Variants in FYN observed in about 807,000 individuals in gnomAD.
FYN encodes the protein FYN proto-oncogene, Src family tyrosine kinase.
Under a neutral mutation model 70.2 loss-of-function variants are expected in FYN, and 10 were observed. The ratio of observed to expected loss-of-function variants is 0.14; its 90% CI spans 0.09 to 0.24. The LOEUF is 0.24. FYN is among the 10% of genes least tolerant of loss of function. FYN has a pLI of 1.00. For missense variants in FYN, 319 were observed against 673.1 expected, an observed-to-expected ratio of 0.47 and a Z score of 5.82; for synonymous variants, 236 against 248.6, an observed-to-expected ratio of 0.95 and a Z score of 0.48.
chr6:111,795,710 A>T (rs1203262258), intron 2 of FYN, among the ~76,000 whole-genome samples: 3 of 152,218 alleles, frequency 2.0e-5, no homozygotes, highest in Non-Finnish European at 4.4e-5. Flanking sequence ...AGAGTACTGA[A>T]CATATTAGGC....
At chr6:111,840,761 T>C (rs1773334509) in intron 2 of FYN, among the ~76,000 whole-genome samples, 1 of 152,230 alleles carries the variant, frequency 6.6e-6, no homozygotes, top group South Asian at 2.1e-4. Flanking sequence ...TTAGGGGCAC[T>C]GACAAAAGCA....
chr6:111,731,864 T>C (rs1801473924), intron 3 of FYN, among the ~76,000 whole-genome samples: 1 of 152,146 alleles, frequency 6.6e-6, no homozygotes, highest in South Asian at 2.1e-4. Flanking sequence ...CCCAGGGTGG[T>C]TGAATATGTC....
chr6:111,715,694 G>A (rs919884710), intron 4 of FYN, among the ~76,000 whole-genome samples: 2 of 152,176 alleles, frequency 1.3e-5, no homozygotes, highest in Admixed American at 6.5e-5. Flanking sequence ...CACTACATGA[G>A]TTTGGAAGCA....
intron 9 of FYN, among the ~76,000 whole-genome samples, chr6:111,697,711 A>G (rs1364509332): frequency 2.0e-5 from 3 of 152,238 alleles, no homozygotes; most frequent in Admixed American, 6.5e-5. Flanking sequence ...CTGTAATACA[A>G]ACTTCGTCAA....
intron 1 of FYN, among the ~76,000 whole-genome samples, chr6:111,854,168 T>C (rs1368718793): frequency 6.6e-6 from 1 of 152,224 alleles, no homozygotes; most frequent in Non-Finnish European, 1.5e-5. Context: ...AGTTTGCACT[T>C]GCAGCTTCTC....
chr6:111,803,604 A>G (rs1048842526), intron 2 of FYN, among the ~76,000 whole-genome samples: 2 of 150,444 alleles, frequency 1.3e-5, no homozygotes, highest in Non-Finnish European at 3.0e-5. Context: ...TCCACTTCAT[A>G]GTGTTTTGAA....
intron 7 of FYN, 83 bp downstream of exon 7, chr6:111,703,916 T>C: frequency 9.4e-7 from 1 of 1,064,780 alleles, no homozygotes; most frequent in Non-Finnish European, 1.4e-6. Context: ...AAAATCCTTG[T>C]ACATTAGAGA....
At chr6:111,780,782 T>G (rs1175940818) in intron 2 of FYN, 147 bp from the exon 3 acceptor site, 1 of 152,256 alleles carries the variant, frequency 6.6e-6, no homozygotes, top group Non-Finnish European at 1.5e-5. Context: ...CAGTTTCCTC[T>G]GTTTTTCCCA....
intron 3 of FYN, among the ~76,000 whole-genome samples, chr6:111,734,372 A>G (rs1801609024): frequency 6.6e-6 from 1 of 152,164 alleles, no homozygotes; most frequent in Admixed American, 6.5e-5. Context: ...AGTTTTAATG[A>G]TGTGAGAAGA....
intron 3 of FYN, among the ~76,000 whole-genome samples, chr6:111,756,147 A>G (rs1562507425): frequency 1.3e-5 from 2 of 152,270 alleles, no homozygotes; most frequent in East Asian, 3.8e-4. Context: ...AACATTAGGA[A>G]TGAATGAGAG....
chr6:111,753,848 C>T (rs907860301), intron 3 of FYN, among the ~76,000 whole-genome samples: 2 of 152,160 alleles, frequency 1.3e-5, no homozygotes, highest in African/African-American at 4.8e-5. Context: ...TCCAGAAACA[C>T]TGAGAAACAC....
At chr6:111,792,084 T>A (rs943216419) in intron 2 of FYN, among the ~76,000 whole-genome samples, 16 of 152,004 alleles carry the variant, frequency 1.1e-4, no homozygotes, top group African/African-American at 3.9e-4. Flanking sequence ...ATCAACAGAA[T>A]CAAAGGGAAG....
chr6:111,763,538 G>A (rs1296240650), intron 3 of FYN, among the ~76,000 whole-genome samples: 4 of 152,254 alleles, frequency 2.6e-5, no homozygotes, highest in South Asian at 2.1e-4. Flanking sequence ...TTAAGACAAA[G>A]TTTGCTTTTG....
At chr6:111,699,866 T>C in intron 9 of FYN, 3 of 662,672 alleles carry the variant, frequency 4.5e-6, no homozygotes, top group Non-Finnish European at 7.3e-6. Flanking sequence ...TTGAGAGTCA[T>C]GTAATAGTAC....
chr6:111,844,167 C>T (rs1462803735), intron 2 of FYN, among the ~76,000 whole-genome samples: 1 of 152,196 alleles, frequency 6.6e-6, no homozygotes, highest in Admixed American at 6.5e-5. Flanking sequence ...CTCTGCATAG[C>T]AGAAGTTCAA....
At chr6:111,725,594 C>G (rs1801154643) in intron 3 of FYN, among the ~76,000 whole-genome samples, 1 of 152,178 alleles carries the variant, frequency 6.6e-6, no homozygotes, top group South Asian at 2.1e-4. Context: ...GGTTGGCCCT[C>G]TGGAGATGTT....
intron 3 of FYN, among the ~76,000 whole-genome samples, chr6:111,773,239 C>T (rs1006809664): frequency 7.0e-6 from 1 of 141,956 alleles, no homozygotes; most frequent in Admixed American, 7.3e-5. Flanking sequence ...ATTCTCCCAA[C>T]CAGCAAGTTT....
intron 3 of FYN, among the ~76,000 whole-genome samples, chr6:111,773,175 T>G (rs936058021): frequency 6.6e-6 from 1 of 150,528 alleles, no homozygotes; most frequent in African/African-American, 2.4e-5. Flanking sequence ...GCAGAGGACA[T>G]AAAGTGTTTG....
chr6:111,706,498 C>A (rs545978707), intron 6 of FYN, among the ~76,000 whole-genome samples: 1 of 152,084 alleles, frequency 6.6e-6, no homozygotes, highest in East Asian at 1.9e-4. Context: ...CATTAGGTGG[C>A]GTAAAGACTA....
Sources: allele counts gnomAD v4.1 joint callset (sites outside exome capture counted in the v4.1 genomes callset), GRCh38; gene constraint gnomAD v4.1.1; transcripts MANE v1.5; gene names NCBI Gene and HGNC (gene_info 2026-07-23, HGNC 2026-07-21).